The following PPP1R3F variants were observed in gnomAD, a reference collection of about 807,000 sequenced individuals.
PPP1R3F encodes the protein protein phosphatase 1 regulatory subunit 3F.
Under a neutral mutation model 24.2 loss-of-function variants are expected in PPP1R3F, and 29 were observed. The observed-to-expected ratio is 1.20, with a 90% confidence interval of 0.89 to 1.63. PPP1R3F has a LOEUF of 1.63. Among genes scored for constraint, PPP1R3F ranks in the 40% most tolerant of loss-of-function variants. The pLI, the probability that PPP1R3F is intolerant of heterozygous loss-of-function variation, is 0.00. For missense variants in PPP1R3F, 823 were observed against 729.3 expected (o/e 1.13, Z -1.48); for synonymous variants, 363 against 340.1 (o/e 1.07, Z -0.74).
At position 49,270,786 on chromosome X, in the gene PPP1R3F, C is replaced by T. The variant is rs1557119120; in HGVS notation, c.917C>T (p.Pro306Leu). 25 of 1,193,269 alleles carry T rather than the reference C, an allele frequency of 2.1e-5. No individual in the cohort carries two copies. The highest frequency in any genetic ancestry group is 3.7e-5 in the South Asian group (2 of 54,737). Residue 306 changes from proline (P) to leucine (L), a missense_variant, in exon 1 of 4, where the codon CCG becomes CTG. By Grantham distance (98) the Pro-to-Leu change is moderately conservative. Transcript: ENST00000055335. ...AEGLPQQQQL[P>L]QLEPQPECQG... ...GGGCTGCCCCAGCAGCAGCAGCTGC[C>T]GCAGCTGGAGCCACAGCCCGAGTGC...
intron 3 of PPP1R3F, 94 bp downstream of exon 3, chrX:49,282,157 G>A: frequency 3.0e-6 from 2 of 661,496 alleles, no homozygotes; most frequent in South Asian, 5.5e-5. Context: ...CACTAGCTCT[G>A]GGTCCTCCCT....
At chrX:49,291,336 C>CTCTCTCTCTCTCTCTCTCT, downstream of PPP1R3F, among the ~76,000 whole-genome samples, 1 of 86,260 alleles carries the variant, frequency 1.2e-5, no homozygotes, top group Non-Finnish European at 2.5e-5. Context: ...CTGTCTCTCT[C>CTCTCTCTCTCTCTCTCTCT]CTTTCTTTCT....
intron 1 of PPP1R3F, among the ~76,000 whole-genome samples, chrX:49,278,677 T>C: frequency 8.9e-6 from 1 of 112,351 alleles, no homozygotes; most frequent in South Asian, 3.7e-4. Context: ...GTTCAAATGT[T>C]CTCCCCGAGG....
rs1557121274 is a variant in PPP1R3F at position 49,285,776 on chromosome X, C to T, written c.1144-58C>T. 3 of 1,066,794 alleles carry T rather than the reference C, an allele frequency of 2.8e-6. No homozygotes were observed. The African/African-American group carries it at 5.6e-5, about 20-fold the overall frequency. The allele number at this position is 1,066,794 out of a possible 1,213,427, so 87.9% of individuals were successfully genotyped here. A position where few individuals can be genotyped will look rare whatever the true frequency, so the allele number is the denominator to read the frequency against. ...TTACTGTCTCTGCTTGTTCCATCCC[C>T]TCCTCTGCTTCATTCCCTTGCTTTT... is the stretch of plus-strand genomic sequence containing the variant. On this transcript the variant is annotated intron_variant, in intron 3 of 3. Transcript: ENST00000055335.
intron 3 of PPP1R3F, among the ~76,000 whole-genome samples, chrX:49,283,606 G>A (rs1177349817): frequency 1.8e-5 from 2 of 111,478 alleles, no homozygotes; most frequent in African/African-American, 6.5e-5. Context: ...TTGACATGTT[G>A]CATTTGATTG....
In PPP1R3F at chrX:49,270,787, G is replaced by T. The variant is rs781797049; in HGVS notation, c.918G>T (p.Pro306=). 1.7e-6 allele frequency: 2 copies of T among 1,194,569 alleles called. No homozygotes were observed. The highest frequency in any genetic ancestry group is 2.3e-5 in the Admixed American group (1 of 44,103). ...AEGLPQQQQL[P]QLEPQPECQG... ...GGCTGCCCCAGCAGCAGCAGCTGCCGCAGCTGGAGCCACAGCCCGAGTGCC... is the reference window on the plus strand; with the variant it reads ...GGCTGCCCCAGCAGCAGCAGCTGCCTCAGCTGGAGCCACAGCCCGAGTGCC... The change falls in exon 1 of 4, where the codon CCG becomes CCT. Residue 306 remains proline (P), a synonymous_variant. Transcript: ENST00000055335.
At position 49,286,551 on chromosome X, in the gene PPP1R3F, G is replaced by T. The variant is rs2066286231; in HGVS notation, c.1861G>T (p.Ala621Ser). 8.3e-7 allele frequency: 1 copy of T among 1,210,158 alleles called. No homozygotes were observed. ...GATGGGAGATGTGTGGCTCCCATGG[G>T]CAGAGGGCTCAGGATGTGACGGCCC... ...ATMGDVWLPW[A>S]EGSGCDGPVV... Residue 621 changes from alanine to serine, a missense_variant, in exon 4 of 4, where the codon GCA becomes TCA. Transcript: ENST00000055335.
At chrX:49,297,457 G>A (rs1465913565) in intron 3 of PPP1R3F, among the ~76,000 whole-genome samples, 5 of 109,905 alleles carry the variant, frequency 4.5e-5, no homozygotes, top group African/African-American at 6.6e-5. Flanking sequence ...CTCGTGATCC[G>A]CCCGCCTCGG....
Position 49,282,513 on chromosome X carries a change from G to T in PPP1R3F, c.1143+450G>T, listed in dbSNP as rs114219593. Among the ~76,000 whole-genome samples, 341 of 99,099 alleles carry T rather than the reference G, an allele frequency of 3.4e-3. 5 individuals carry two copies. The highest frequency in any genetic ancestry group is 0.012 in the African/African-American group (318 of 26,828). The allele number at this position is 99,099 out of a possible 115,157, so 86.1% of individuals were successfully genotyped here. On this transcript the variant is annotated intron_variant, in intron 3 of 3. Coordinates refer to ENST00000055335, the MANE Select transcript of PPP1R3F (RefSeq NM_033215.5). The stretch of plus-strand genomic sequence containing the variant: ...TGTGTGTTGTGGGCGGGGGTCGGTT[G>T]CAACTTTAGATTGGGTGGCCTGGGA...
At chrX:49,293,713 TG>T (rs1557122553) in intron 3 of PPP1R3F, among the ~76,000 whole-genome samples, 1 of 112,495 alleles carries the variant, frequency 8.9e-6, no homozygotes, top group Non-Finnish European at 1.9e-5. Flanking sequence ...ACAAGGATTC[TG>T]GCCAGTCGCG....
Position 49,294,779 on chromosome X carries a change from AGG to A in PPP1R3F, c.393-6571_393-6570del, listed in dbSNP as rs1557122668. Among the ~76,000 whole-genome samples the A allele has an allele frequency of 3.6e-3, 387 of 108,548 alleles. 2 individuals carry two copies. Among genetic ancestry groups the A allele is most frequent in the African/African-American group, 0.012 (365 of 29,863 alleles). 94.3% of individuals were successfully genotyped at this position (108,548 alleles called of 115,157 possible). ...CAAAAAATTAGCCAGGCGTGGTGGC[AGG>A]CGCCTGTAGTCCCAGCTACTCGGGA... On this transcript the variant is annotated intron_variant, in intron 3 of 3. Coordinates refer to the PPP1R3F transcript ENST00000471261.
chrX:49,273,097 G>A (rs1845581917), intron 1 of PPP1R3F: 1 of 104,242 alleles, frequency 9.6e-6, no homozygotes, highest in South Asian at 4.5e-4. Context: ...TCTGTGTATA[G>A]CCCAGTGGAT....
downstream of PPP1R3F, among the ~76,000 whole-genome samples, chrX:49,289,745 A>G (rs1006252071): frequency 9.0e-6 from 1 of 111,445 alleles, no homozygotes; most frequent in Non-Finnish European, 1.9e-5. Context: ...GAGACTGTTC[A>G]TGGATGTGCA....
intron 1 of PPP1R3F, chrX:49,280,818 A>G (rs2066244222): frequency 8.9e-6 from 1 of 112,127 alleles, no homozygotes; most frequent in Admixed American, 9.4e-5. Flanking sequence ...AAGTGCTGGA[A>G]TTACAGGTGT....
At position 49,279,958 on chromosome X, in the gene PPP1R3F, A is replaced by G. The variant is rs187874227; in HGVS notation, c.1005-1448A>G. Among the ~76,000 whole-genome samples the G allele has an allele frequency of 4.4e-5, 5 of 112,416 alleles. No individual in the cohort carries two copies. The Admixed American group carries it at 4.7e-4, about 11-fold the overall frequency. ...GCCTGGTGAAGGAGGAGCAAGACCC[A>G]TAAATATCTACAGTTGATTCAATCC... On this transcript the variant is annotated intron_variant, in intron 1 of 3. Coordinates refer to ENST00000055335, the MANE Select transcript of PPP1R3F (RefSeq NM_033215.5).
chrX:49,271,565 G>T (rs183403372), intron 1 of PPP1R3F, among the ~76,000 whole-genome samples: 134 of 112,529 alleles, frequency 1.2e-3, no homozygotes, highest in Non-Finnish European at 3.9e-4. Context: ...CTTTGCCAGT[G>T]GGGGGTAGAG....
chrX:49,293,366 T>C (rs782241221), intron 3 of PPP1R3F, among the ~76,000 whole-genome samples: 1 of 112,731 alleles, frequency 8.9e-6, no homozygotes, highest in Non-Finnish European at 1.9e-5. Context: ...TTTTTGCCAC[T>C]ATAAACTATC....
chrX:49,282,631 G>T (rs2066256573), intron 3 of PPP1R3F, among the ~76,000 whole-genome samples: 1 of 109,342 alleles, frequency 9.1e-6, no homozygotes. Flanking sequence ...TCCCAGGCGA[G>T]TGTGAAGTTC....
rs895006574 is a variant in PPP1R3F, at chrX:49,277,448, T to C, written c.1005-3958T>C. Reference sequence around the variant, plus strand: ...CCTGGCCCCTATGGCTCACTGCCCTTGAGGGGATGCCACGTGGTACTTGTG... The same window carrying C: ...CCTGGCCCCTATGGCTCACTGCCCTCGAGGGGATGCCACGTGGTACTTGTG... On this transcript the variant is annotated intron_variant, in intron 1 of 3. Transcript: ENST00000055335. Among the ~76,000 whole-genome samples the C allele has an allele frequency of 8.0e-5, 9 of 112,681 alleles. No homozygotes were observed. The East Asian group carries it at 2.5e-3, about 31-fold the overall frequency.
Sources: allele counts gnomAD v4.1 joint callset (sites outside exome capture counted in the v4.1 genomes callset), GRCh38; gene constraint gnomAD v4.1.1; transcripts MANE v1.5; gene names NCBI Gene and HGNC (gene_info 2026-07-23, HGNC 2026-07-21).